AMPD2: variants seen among roughly 807,000 people sequenced by gnomAD.
AMPD2 encodes the protein AMP deaminase 2.
AMPD2 carries 52 observed loss-of-function variants against 91.3 expected under a neutral mutation model. The ratio of observed to expected loss-of-function variants is 0.57; its 90% CI spans 0.46 to 0.72. The LOEUF (loss-of-function observed/expected upper bound fraction) is 0.72. Ranked by LOEUF, AMPD2 falls within the 30% of genes least tolerant of loss-of-function variation. The pLI, the probability that AMPD2 is intolerant of heterozygous loss-of-function variation, is 0.00. For missense variants in AMPD2, 822 were observed against 1,122.3 expected, an observed-to-expected ratio of 0.73 and a Z score of 3.82; for synonymous variants, 455 against 456.4, an observed-to-expected ratio of 1.00 and a Z score of 0.04.
rs551172565 is a variant in AMPD2, at chr1:109,631,997, T to C, written c.*845T>C. On this transcript the variant is annotated 3_prime_UTR_variant, in exon 19 of 19. Coordinates refer to ENST00000528667, the MANE Select transcript of AMPD2 (RefSeq NM_001368809.2). The stretch of plus-strand genomic sequence containing the variant: ...CTGAGGCCTTTGCTGTGAACTGCAG[T>C]GTTTCATACGAACCATCTTTCCTAG... 2 of 152,806 alleles carry C rather than the reference T, an allele frequency of 1.3e-5. No homozygotes were observed. Among genetic ancestry groups the C allele is most frequent in the African/African-American group, 4.8e-5 (2 of 41,558 alleles). 9.5% of individuals were successfully genotyped at this position (152,806 alleles called of 1,614,324 possible).
intron 1 of AMPD2, 110 bp downstream of exon 1, chr1:109,620,388 C>T: frequency 6.6e-7 from 1 of 1,504,160 alleles, no homozygotes. Context: ...CTAGGGAAGG[C>T]GGTCAGCTCC....
chr1:109,621,867 T>C lies in AMPD2; in HGVS notation c.91+601T>C, dbSNP rs758724092. Among the ~76,000 whole-genome samples, 9 of 152,360 alleles carry C rather than the reference T, an allele frequency of 5.9e-5. No homozygotes were observed. In the South Asian group the frequency reaches 8.3e-4, roughly 14 times the overall value. ...TATGGGGTGTCCTTGGTCAGGTCCGTGCAGGGTTCAGGCTGGGGCTGCTGC... is the reference window on the plus strand; with the variant it reads ...TATGGGGTGTCCTTGGTCAGGTCCGCGCAGGGTTCAGGCTGGGGCTGCTGC... On this transcript the variant is annotated intron_variant, in intron 2 of 18. Coordinates refer to ENST00000528667, the MANE Select transcript of AMPD2 (RefSeq NM_001368809.2).
Position 109,625,509 on chromosome 1 carries a change from A to T in AMPD2, c.222+76A>T. 6.2e-7 allele frequency: 1 copy of T among 1,605,150 alleles called. No individual in the cohort carries two copies. The highest frequency in any genetic ancestry group is 8.5e-7 in the Non-Finnish European group (1 of 1,174,348). On this transcript the variant is annotated intron_variant, in intron 3 of 18. Transcript: ENST00000528667. This position sits in a 1 kb window ranked among gnomAD's most constrained non-coding sequence, Gnocchi z 4.0. Reference sequence around the variant, plus strand: ...TCTGCTCCCCACACCCCTCACCTCAAGCTGTCCCCTCACCTCACGCTTGGC... The same window carrying T: ...TCTGCTCCCCACACCCCTCACCTCATGCTGTCCCCTCACCTCACGCTTGGC...
chr1:109,629,671 C>T (rs939217254), intron 15 of AMPD2, 125 bp from the exon 16 acceptor site: 12 of 1,470,102 alleles, frequency 8.2e-6, no homozygotes, highest in African/African-American at 1.4e-5. Flanking sequence ...TACCCCTGTC[C>T]CCCTTATCCC....
chr1:109,629,363 C>A lies in AMPD2; in HGVS notation c.1735C>A (p.Pro579Thr). The change falls in exon 15 of 19, where the codon CCT becomes ACT. Residue 579 changes from proline to threonine, a missense_variant. Transcript: ENST00000528667. ...TGACAGCGTGGATGATGAGTCCAAG[C>A]CTGAAAACCATGTCTTCAACCTGGA... ...GFDSVDDESK[P>T]ENHVFNLESP... The A allele has an allele frequency of 6.2e-7, 1 of 1,614,132 alleles. No individual in the cohort carries two copies. The highest frequency in any genetic ancestry group is 8.5e-7 in the Non-Finnish European group (1 of 1,180,022).
intron 1 of AMPD2, 59 bp from the exon 2 acceptor site, chr1:109,620,855 C>G (rs1327395283): frequency 7.0e-7 from 1 of 1,433,954 alleles, no homozygotes; most frequent in African/African-American, 1.4e-5. Flanking sequence ...TAGTGGAGAG[C>G]TGGGGGCTGG....
Position 109,627,866 on chromosome 1 carries a change from A to G in AMPD2, c.1043A>G (p.Lys348Arg). 6.2e-7 allele frequency: 1 copy of G among 1,614,036 alleles called. No individual in the cohort carries two copies. The highest frequency in any genetic ancestry group is 2.2e-5 in the East Asian group (1 of 44,864). Residue 348 changes from lysine (K) to arginine (R), a missense_variant, in exon 10 of 19, where the codon AAG becomes AGG. This residue lies in a region of AMPD2 where 37 missense variants were observed against 84.8 expected (regional missense o/e 0.44). Transcript: ENST00000528667. ...LNEMKELAAQ[K>R]KVPHRDFYNI... ...GAGATGAAGGAGCTGGCCGCCCAGA[A>G]GAAAGTGCCACACCGAGATTTCTAC...
Position 109,628,194 on chromosome 1 carries a change from C to T in AMPD2, c.1192C>T (p.Arg398Cys), listed in dbSNP as rs570605098. 101 of 1,614,024 alleles carry T rather than the reference C, an allele frequency of 6.3e-5. No homozygotes were observed. In the Admixed American group the frequency reaches 8.8e-4, roughly 14 times the overall value. ...LEEIVHVEQGREQTLREVFES... is the reference protein window; with the variant it reads ...LEEIVHVEQGCEQTLREVFES... The stretch of plus-strand genomic sequence containing the variant: ...GGAGATCGTGCACGTGGAGCAGGGC[C>T]GTGAACAGACGCTGCGGGAGGTCTT... The change falls in exon 11 of 19, where the codon CGT becomes TGT. Residue 398 changes from arginine (R) to cysteine (C), a missense_variant. Physicochemically the swap from Arg to Cys is radical, Grantham distance 180. Coordinates refer to ENST00000528667, the MANE Select transcript of AMPD2 (RefSeq NM_001368809.2). The surrounding 1 kb of genome is among the most constrained non-coding windows in gnomAD (Gnocchi z 7.1).
At position 109,625,699 on chromosome 1, in the gene AMPD2, G is replaced by A. The variant is rs1280694701; in HGVS notation, c.260G>A (p.Arg87His). The change falls in exon 4 of 19, where the codon CGT becomes CAT. Residue 87 changes from arginine (R) to histidine (H), a missense_variant. Physicochemically the swap from Arg to His is conservative, Grantham distance 29 (BLOSUM62 0). Transcript: ENST00000528667. This position sits in a 1 kb window ranked among gnomAD's most constrained non-coding sequence, Gnocchi z 4.0. ...CGCTCACTGGCTGAGAGCGAGCTCC[G>A]TAGTGCCCCGTATGAGTTCCCCGAG... ...FTRSLAESELRSAPYEFPEES... is the reference protein window; with the variant it reads ...FTRSLAESELHSAPYEFPEES... 6.2e-7 allele frequency: 1 copy of A among 1,614,138 alleles called. No homozygotes were observed. The highest frequency in any genetic ancestry group is 8.5e-7 in the Non-Finnish European group (1 of 1,180,008).
In AMPD2 at chr1:109,621,109, T is replaced by C. The variant is rs745646206; in HGVS notation, c.-67T>C. Reference sequence around the variant, plus strand: ...GGGCGGGGCGGAGGAAGGGGTTGGATGTGGCAGAGCCAGGCCCCAGCCGGT... The same window carrying C: ...GGGCGGGGCGGAGGAAGGGGTTGGACGTGGCAGAGCCAGGCCCCAGCCGGT... On this transcript the variant is annotated 5_prime_UTR_variant, in exon 2 of 19. The change abolishes an upstream ATG in the 5' untranslated region. Coordinates refer to ENST00000528667, the MANE Select transcript of AMPD2 (RefSeq NM_001368809.2). 5.7e-5 allele frequency: 91 copies of C among 1,603,814 alleles called. No individual in the cohort carries two copies. The highest frequency in any genetic ancestry group is 7.6e-5 in the Non-Finnish European group (89 of 1,175,642).
chr1:109,626,830 C>G lies in AMPD2; in HGVS notation c.636C>G (p.Thr212=). The G allele has an allele frequency of 6.2e-7, 1 of 1,613,836 alleles. No homozygotes were observed. The highest frequency in any genetic ancestry group is 8.5e-7 in the Non-Finnish European group (1 of 1,179,918). The change falls in exon 7 of 19, where the codon ACC becomes ACG. Residue 212 remains threonine (T), a synonymous_variant. Transcript: ENST00000528667. ...ALSLQSFCPT[T]RRYLQQLAEK... The stretch of plus-strand genomic sequence containing the variant: ...CCCTGCAGAGCTTCTGCCCCACCAC[C>G]CGCCGCTACCTGCAGCAGCTGGCTG...
In AMPD2 at chr1:109,628,878, C is replaced by A; in HGVS notation, c.1571+72C>A. 1 of 1,502,072 alleles carries A rather than the reference C, an allele frequency of 6.7e-7. No homozygotes were observed. The highest frequency in any genetic ancestry group is 8.9e-7 in the Non-Finnish European group (1 of 1,119,778). The allele number at this position is 1,502,072 out of a possible 1,614,324, so 93.0% of individuals were successfully genotyped here. The stretch of plus-strand genomic sequence containing the variant: ...GGGGTCAGGGCCTGCCTCCTGCCCT[C>A]CTAGGATGGCTGAGCCTCCCTTGTC... On this transcript the variant is annotated intron_variant, in intron 13 of 18. Coordinates refer to ENST00000528667, the MANE Select transcript of AMPD2 (RefSeq NM_001368809.2). The surrounding 1 kb of genome is among the most constrained non-coding windows in gnomAD (Gnocchi z 7.1).
chr1:109,626,892 C>T lies in AMPD2; in HGVS notation c.698C>T (p.Pro233Leu). The change falls in exon 7 of 19, where the codon CCC becomes CTC. Residue 233 changes from proline to leucine, a missense_variant. Physicochemically the swap from Pro to Leu is moderately conservative, Grantham distance 98. Around this residue, in one of 5 missense-constraint regions of AMPD2, gnomAD observed 240 missense variants for 270.3 expected, o/e 0.89. Transcript: ENST00000528667. The part of the protein sequence containing the change: ...PLETRTYEQG[P>L]DTPVSADAPV... ...GAGACCCGGACCTATGAACAGGGCC[C>T]CGACACCCCTGTGTCTGCTGGTGGG... 6.2e-7 allele frequency: 1 copy of T among 1,613,458 alleles called. No homozygotes were observed. The highest frequency in any genetic ancestry group is 8.5e-7 in the Non-Finnish European group (1 of 1,179,704).
rs771249006 is a variant in AMPD2, at chr1:109,626,145, C to T, written c.354-15C>T. 8.1e-6 allele frequency: 13 copies of T among 1,614,038 alleles called. No individual in the cohort carries two copies. The South Asian group carries it at 1.3e-4, about 16-fold the overall frequency. On this transcript the variant is annotated splice_polypyrimidine_tract_variant and intron_variant, in intron 4 of 18. Coordinates refer to ENST00000528667, the MANE Select transcript of AMPD2 (RefSeq NM_001368809.2). Reference sequence around the variant, plus strand: ...CCTCGGGATCTGCCTGACTTCTCACCCCTCTTGCCTCTAGGCTGGAGCCAG... The same window carrying T: ...CCTCGGGATCTGCCTGACTTCTCACTCCTCTTGCCTCTAGGCTGGAGCCAG...
chr1:109,630,817 T>G (rs770848760), intron 18 of AMPD2, 24 bp downstream of exon 18: 3 of 1,597,772 alleles, frequency 1.9e-6, no homozygotes, highest in South Asian at 2.2e-5. Flanking sequence ...TGCCTGGACC[T>G]TGGCATGGCA....
rs1453957575 is a variant in AMPD2 at position 109,624,816 on chromosome 1, C to T, written c.92-487C>T. Reference sequence around the variant, plus strand: ...CCTGCCCCTTTGAGTGGAGAATCTGCTAGTCCAGGGGCGGGTCTGATCCTG... The same window carrying T: ...CCTGCCCCTTTGAGTGGAGAATCTGTTAGTCCAGGGGCGGGTCTGATCCTG... On this transcript the variant is annotated intron_variant, in intron 2 of 18. Coordinates refer to ENST00000528667, the MANE Select transcript of AMPD2 (RefSeq NM_001368809.2). This position sits in a 1 kb window ranked among gnomAD's most constrained non-coding sequence, Gnocchi z 5.2. Among the ~76,000 whole-genome samples the T allele has an allele frequency of 2.0e-5, 3 of 152,186 alleles. No homozygotes were observed. Among genetic ancestry groups the T allele is most frequent in the East Asian group, 1.9e-4 (1 of 5,180 alleles).
chr1:109,620,369 C>A, intron 1 of AMPD2, 91 bp downstream of exon 1: 1 of 1,569,570 alleles, frequency 6.4e-7, no homozygotes, highest in Non-Finnish European at 8.7e-7. Flanking sequence ...CACAGCACAG[C>A]AGCAGGACCT....
rs754619735 is a variant in AMPD2 at position 109,629,452 on chromosome 1, C to T, written c.1824C>T (p.Tyr608=). Residue 608 remains tyrosine (Y), a synonymous_variant, in exon 15 of 19, where the codon TAC becomes TAT. Coordinates refer to ENST00000528667, the MANE Select transcript of AMPD2 (RefSeq NM_001368809.2). Reference sequence around the variant, plus strand: ...CACCCTATGCCTACTACCTGTACTACACCTTTGCCAACATGGCCATGTTGA... The same window carrying T: ...CACCCTATGCCTACTACCTGTACTATACCTTTGCCAACATGGCCATGTTGA... ...DNPPYAYYLY[Y]TFANMAMLNH... The T allele has an allele frequency of 6.2e-6, 10 of 1,614,100 alleles. No homozygotes were observed. The highest frequency in any genetic ancestry group is 7.6e-6 in the Non-Finnish European group (9 of 1,180,004).
At position 109,624,146 on chromosome 1, in the gene AMPD2, G is replaced by T; in HGVS notation, c.92-1157G>T. On this transcript the variant is annotated intron_variant, in intron 2 of 18. Coordinates refer to ENST00000528667, the MANE Select transcript of AMPD2 (RefSeq NM_001368809.2). This position sits in a 1 kb window ranked among gnomAD's most constrained non-coding sequence, Gnocchi z 5.2. ...GGGACGGGGTCCTGGATCTGGGGCA[G>T]GCCCCTCCCTCTTCCCTTTGTCCAG... The T allele has an allele frequency of 1.1e-6, 1 of 899,880 alleles. No individual in the cohort carries two copies. The highest frequency in any genetic ancestry group is 1.3e-6 in the Non-Finnish European group (1 of 751,742). The allele number at this position is 899,880 out of a possible 1,614,324, so 55.7% of individuals were successfully genotyped here.
Sources: allele counts gnomAD v4.1 joint callset (sites outside exome capture counted in the v4.1 genomes callset), GRCh38; gene constraint gnomAD v4.1.1; regional missense constraint gnomAD v4.1.1; non-coding constraint Gnocchi (gnomAD v3.1); transcripts MANE v1.5; gene names NCBI Gene and HGNC (gene_info 2026-07-23, HGNC 2026-07-21).